CMYA5: variants seen among roughly 807,000 people sequenced by gnomAD.
The protein encoded by CMYA5 is cardiomyopathy-associated protein 5.
CMYA5 carries 246 observed loss-of-function variants against 318.9 expected under a neutral mutation model. The ratio of observed to expected loss-of-function variants is 0.77; its 90% CI spans 0.70 to 0.86. The LOEUF (loss-of-function observed/expected upper bound fraction) is 0.86, where lower values mean the gene tolerates loss of function less well. Ranked by LOEUF, CMYA5 falls within the 40% of genes least tolerant of loss-of-function variation. CMYA5 has a pLI of 0.00. For synonymous variants in CMYA5, 1,641 were observed against 1,729.5 expected, an observed-to-expected ratio of 0.95 and a Z score of 1.27; for missense variants, 4,589 against 4,678.2, an observed-to-expected ratio of 0.98 and a Z score of 0.56.
chr5:79,724,724 T>C (rs952730391), intron 1 of CMYA5, among the ~76,000 whole-genome samples: 1 of 152,210 alleles, frequency 6.6e-6, no homozygotes, highest in African/African-American at 2.4e-5. Context: ...AATGGTATGG[T>C]GACCATTTCT....
chr5:79,796,931 T>G (rs2896933), intron 12 of CMYA5, among the ~76,000 whole-genome samples: 13,755 of 152,290 alleles, frequency 0.09, 667 homozygotes, highest in African/African-American at 0.13. Context: ...AGCTATGCAA[T>G]GTTGATAAAA....
intron 2 of CMYA5, among the ~76,000 whole-genome samples, chr5:79,743,587 G>A (rs1005523223): frequency 5.9e-5 from 9 of 152,076 alleles, no homozygotes; most frequent in African/African-American, 1.9e-4. Flanking sequence ...TTTCACTTAC[G>A]AAGATATACT....
chr5:79,738,269 C>T lies in CMYA5; in HGVS notation c.9504C>T (p.Thr3168=). The change falls in exon 2 of 13, where the codon ACC becomes ACT. Residue 3168 remains threonine (T), a synonymous_variant. Transcript: ENST00000446378. The part of the protein sequence containing the change: ...FEAEEGVLSR[T]QIFPTTIKVI... Reference sequence around the variant, plus strand: ...CAGAGGAAGGAGTTCTATCACGAACCCAGATATTTCCTACCACTATTAAAG... The same window carrying T: ...CAGAGGAAGGAGTTCTATCACGAACTCAGATATTTCCTACCACTATTAAAG... 2 of 1,613,402 alleles carry T rather than the reference C, an allele frequency of 1.2e-6. No homozygotes were observed. Among genetic ancestry groups the T allele is most frequent in the Non-Finnish European group, 1.7e-6 (2 of 1,179,750 alleles).
intron 1 of CMYA5, among the ~76,000 whole-genome samples, chr5:79,700,102 CTT>C (rs1045508521): frequency 1.3e-5 from 2 of 152,206 alleles, no homozygotes; most frequent in African/African-American, 4.8e-5. Flanking sequence ...GGCAACCACT[CTT>C]ATATTTTTCT....
At chr5:79,712,568 A>G (rs1307194170) in intron 1 of CMYA5, among the ~76,000 whole-genome samples, 4 of 152,108 alleles carry the variant, frequency 2.6e-5, no homozygotes, top group African/African-American at 7.2e-5. Flanking sequence ...GCCAAACACT[A>G]TATTAGGTAT....
intron 1 of CMYA5, among the ~76,000 whole-genome samples, chr5:79,706,203 G>C (rs913933534): frequency 7.9e-5 from 12 of 152,282 alleles, no homozygotes; most frequent in African/African-American, 1.7e-4. Context: ...GCGGGGGTAG[G>C]TTAGTGAGGG....
chr5:79,790,575 C>T (rs1465656470), intron 10 of CMYA5, among the ~76,000 whole-genome samples: 1 of 152,058 alleles, frequency 6.6e-6, no homozygotes, highest in Non-Finnish European at 1.5e-5. Flanking sequence ...GGCCTGTATC[C>T]CCCAATTTTA....
At chr5:79,706,996 T>C (rs1423824313) in intron 1 of CMYA5, among the ~76,000 whole-genome samples, 1 of 152,214 alleles carries the variant, frequency 6.6e-6, no homozygotes, top group Non-Finnish European at 1.5e-5. Context: ...TAACTCTTCT[T>C]AGTTTTTTTG....
rs1374321686 is a variant in CMYA5 at position 79,733,964 on chromosome 5, T to C, written c.5199T>C (p.Ala1733=). Residue 1733 remains alanine, a synonymous_variant, in exon 2 of 13, where the codon GCT becomes GCC. Coordinates refer to ENST00000446378, the MANE Select transcript of CMYA5 (RefSeq NM_153610.5). ...CGAAAGAACCACCTGCCTCTGTAGCTGAAGGAGGCAACCCAGAAGAATTTC... is the reference window on the plus strand; with the variant it reads ...CGAAAGAACCACCTGCCTCTGTAGCCGAAGGAGGCAACCCAGAAGAATTTC... The part of the protein sequence containing the change: ...LESKEPPASV[A]EGGNPEEFQP... 6.2e-7 allele frequency: 1 copy of C among 1,613,576 alleles called. No homozygotes were observed. The highest frequency in any genetic ancestry group is 2.2e-5 in the East Asian group (1 of 44,878).
intron 1 of CMYA5, among the ~76,000 whole-genome samples, chr5:79,693,632 C>T (rs546416600): frequency 6.6e-6 from 1 of 152,186 alleles, no homozygotes; most frequent in Non-Finnish European, 1.5e-5. Context: ...CATGAGCCAC[C>T]GTGCCCGGTC....
rs368053121 is a variant in CMYA5 at position 79,735,700 on chromosome 5, G to A, written c.6935G>A (p.Gly2312Asp). 8 of 1,601,122 alleles carry A rather than the reference G, an allele frequency of 5.0e-6. No individual in the cohort carries two copies. In the African/African-American group the frequency reaches 9.5e-5, roughly 19 times the overall value. ...NINSVVTSAD[G>D]ENLEIQSYSL... is the part of the protein sequence containing the mutation. ...AACTCAGTAGTTACTTCTGCTGATG[G>A]TGAGAACCTTGAAATTCAATCTTAT... Residue 2312 changes from glycine to aspartate, a missense_variant, in exon 2 of 13, where the codon GGT (glycine) becomes GAT (aspartate). This residue lies in a region of CMYA5 where 2,431 missense variants were observed against 2,495.1 expected (regional missense o/e 0.97). Transcript: ENST00000446378.
chr5:79,746,981 T>G (rs1828336192), intron 4 of CMYA5, 110 bp from the exon 5 acceptor site: 1 of 685,252 alleles, frequency 1.5e-6, no homozygotes, highest in Non-Finnish European at 2.5e-6. Context: ...ACGTGGGTAA[T>G]CTTAATGCTC....
chr5:79,735,788 T>G lies in CMYA5; in HGVS notation c.7023T>G (p.Thr2341=). The G allele has an allele frequency of 1.9e-6, 3 of 1,560,230 alleles. No individual in the cohort carries two copies. Among genetic ancestry groups the G allele is most frequent in the Non-Finnish European group, 2.6e-6 (3 of 1,161,314 alleles). The change falls in exon 2 of 13, where the codon ACT becomes ACG. Residue 2341 remains threonine (T), a synonymous_variant. Coordinates refer to ENST00000446378, the MANE Select transcript of CMYA5 (RefSeq NM_153610.5). ...EAKTIVPPHV[T]DSKRVQKPAI... is the part of the protein sequence containing the mutation. The stretch of plus-strand genomic sequence containing the variant: ...AAACTATTGTTCCTCCTCATGTTAC[T>G]GATAGTAAAAGAGTCCAGAAGCCAG...
rs780620633 is a variant in CMYA5 at position 79,730,671 on chromosome 5, G to A, written c.1906G>A (p.Glu636Lys). 3 of 1,614,000 alleles carry A rather than the reference G, an allele frequency of 1.9e-6. No homozygotes were observed. In the East Asian group the frequency reaches 6.7e-5, roughly 36 times the overall value. ...EHAVLSEEEN[E>K]EFEAYSPAAA... ...TGCAGTTTTGTCAGAAGAAGAGAAT[G>A]AGGAATTTGAGGCTTATTCCCCAGC... Residue 636 changes from glutamate (E) to lysine (K), a missense_variant, in exon 2 of 13, where the codon GAG becomes AAG. By Grantham distance (56) the Glu-to-Lys change is moderately conservative. Transcript: ENST00000446378.
chr5:79,697,180 T>G (rs1827083602), intron 1 of CMYA5, among the ~76,000 whole-genome samples: 1 of 152,198 alleles, frequency 6.6e-6, no homozygotes, highest in Non-Finnish European at 1.5e-5. Flanking sequence ...AATAATCTCA[T>G]AAGTAATTAG....
In CMYA5 at chr5:79,733,756, CAG is replaced by C. The variant is rs1827978775; in HGVS notation, c.4994_4995del (p.Glu1665GlyfsTer10). On this transcript the variant is annotated frameshift_variant, in exon 2 of 13. Transcript: ENST00000446378. LOFTEE classifies it high-confidence loss of function. ...CAAGCAAAGTCTCCCATAACTGAAA[CAG>C]AGGATTCTGTTTTAGAAAAAGGCCC... is the stretch of plus-strand genomic sequence containing the variant. 1.9e-6 allele frequency: 3 copies of C among 1,613,532 alleles called. No homozygotes were observed. The highest frequency in any genetic ancestry group is 2.5e-6 in the Non-Finnish European group (3 of 1,179,766).
chr5:79,760,424 C>A (rs987354272), intron 7 of CMYA5, among the ~76,000 whole-genome samples: 2 of 152,104 alleles, frequency 1.3e-5, no homozygotes, highest in African/African-American at 4.8e-5. Context: ...AAAGACATAC[C>A]TGAGACTGGG....
intron 5 of CMYA5, among the ~76,000 whole-genome samples, chr5:79,748,061 C>G (rs940062161): frequency 5.3e-5 from 8 of 151,950 alleles, no homozygotes; most frequent in African/African-American, 7.3e-5. Context: ...CAGAATATTA[C>G]CAGTTAGTTT....
Position 79,729,541 on chromosome 5 carries a change from A to G in CMYA5, c.776A>G (p.Tyr259Cys), listed in dbSNP as rs1292661387. Residue 259 changes from tyrosine to cysteine, a missense_variant, in exon 2 of 13, where the codon TAT becomes TGT. By Grantham distance (194) the Tyr-to-Cys change is radical. Around this residue, in one of 3 missense-constraint regions of CMYA5, gnomAD observed 2,132 missense variants for 2,131.3 expected, o/e 1.00. Coordinates refer to ENST00000446378, the MANE Select transcript of CMYA5 (RefSeq NM_153610.5). ...PKGYVIKEIH[Y>C]RKGKDASISL... ...GGTTATGTAATTAAAGAAATACATT[A>G]TAGGAAAGGGAAAGATGCATCCATT... is the stretch of plus-strand genomic sequence containing the variant. 1.2e-6 allele frequency: 2 copies of G among 1,613,364 alleles called. No individual in the cohort carries two copies. The highest frequency in any genetic ancestry group is 2.2e-5 in the East Asian group (1 of 44,880).
Sources: allele counts gnomAD v4.1 joint callset (sites outside exome capture counted in the v4.1 genomes callset), GRCh38; gene constraint gnomAD v4.1.1; regional missense constraint gnomAD v4.1.1; transcripts MANE v1.5; gene names NCBI Gene and HGNC (gene_info 2026-07-23, HGNC 2026-07-21).